ZFHX3: variants seen among roughly 807,000 people sequenced by gnomAD.
ZFHX3 encodes zinc finger homeobox protein 3.
In ZFHX3, 42 loss-of-function variants were observed where a neutral mutation model predicts 279.1. The observed-to-expected ratio is 0.15, with a 90% CI of 0.12 to 0.19. The LOEUF (loss-of-function observed/expected upper bound fraction) is 0.19, where lower values mean the gene tolerates loss of function less well. Ranked by LOEUF, ZFHX3 falls within the 10% of genes least tolerant of loss-of-function variation. ZFHX3 has a pLI of 1.00. For missense variants in ZFHX3, 4,981 were observed against 4,754.0 expected (o/e 1.05, Z -1.40); for synonymous variants, 2,293 against 1,957.8 (o/e 1.17, Z -4.52).
At chr16:73,693,445 C>T (rs944476224) in intron 1 of ZFHX3, among the ~76,000 whole-genome samples, 2 of 152,058 alleles carry the variant, frequency 1.3e-5, no homozygotes, top group Admixed American at 6.6e-5. Flanking sequence ...TCAAGACATT[C>T]AAGACATTTG....
chr16:73,084,802 G>A (rs766205501), intron 8 of ZFHX3, among the ~76,000 whole-genome samples: 33 of 152,250 alleles, frequency 2.2e-4, no homozygotes, highest in Non-Finnish European at 4.4e-4. Context: ...TGACAGGCAT[G>A]AGCCACCGCG....
intron 8 of ZFHX3, among the ~76,000 whole-genome samples, chr16:73,084,350 C>G (rs1367095683): frequency 3.3e-5 from 5 of 151,944 alleles, no homozygotes; most frequent in African/African-American, 1.2e-4. Context: ...GAAACACCAC[C>G]AAAATAACCT....
At chr16:73,136,176 G>C (rs1383655100) in intron 6 of ZFHX3, among the ~76,000 whole-genome samples, 2 of 152,142 alleles carry the variant, frequency 1.3e-5, no homozygotes, top group African/African-American at 4.8e-5. Context: ...GGAGCCACTT[G>C]AGTTTGCCAC....
chr16:72,788,178 T>TGCTGGTAC lies in ZFHX3; in HGVS notation c.10097_10098insGTACCAGC (p.Gln3369HisfsTer119), dbSNP rs763178549. On this transcript the variant is annotated frameshift_variant, in exon 10 of 10. Coordinates refer to ENST00000268489, the MANE Select transcript of ZFHX3 (RefSeq NM_006885.4). LOFTEE classifies it high-confidence loss of function. The stretch of plus-strand genomic sequence containing the variant: ...TTGCCTCCTGCAGACTCTGCTGGTA[T>TGCTGGTAC]TGCTGGTACTGCTGCAGTAGGGAGC... The TGCTGGTAC allele has an allele frequency of 2.5e-6, 4 of 1,611,980 alleles. No individual in the cohort carries two copies. In the South Asian group the frequency reaches 4.4e-5, roughly 18 times the overall value.
Position 73,204,188 on chromosome 16 carries a change from G to A in ZFHX3, c.-1104+52859C>T, listed in dbSNP as rs1056897802. Among the ~76,000 whole-genome samples, 38 of 152,062 alleles carry A rather than the reference G, an allele frequency of 2.5e-4. 1 individual carries two copies. Among genetic ancestry groups the A allele is most frequent in the Admixed American group, 2.4e-3 (36 of 15,266 alleles). Reference sequence around the variant, plus strand: ...GAAAGACAGTTTTTCCACGGACTATGGGTCGGGGGTAGGGGGAATGGTTTG... The same window carrying A: ...GAAAGACAGTTTTTCCACGGACTATAGGTCGGGGGTAGGGGGAATGGTTTG... On this transcript the variant is annotated intron_variant, in intron 5 of 17. Transcript: ENST00000641206.
chr16:73,148,555 CTTTTTTTTTTTTTTT>C (rs36018349), intron 5 of ZFHX3, among the ~76,000 whole-genome samples: 2,722 of 55,558 alleles, frequency 0.049, 136 homozygotes, highest in African/African-American at 0.16. Flanking sequence ...AAATGCTGGG[CTTTTTTTTTTTTTTT>C]TTTTTTTTTT....
At chr16:73,738,245 A>C (rs2053625538) in intron 1 of ZFHX3, among the ~76,000 whole-genome samples, 1 of 152,196 alleles carries the variant, frequency 6.6e-6, no homozygotes, top group Non-Finnish European at 1.5e-5. Context: ...CTGTAAGGAA[A>C]AATAAAACCC....
At chr16:72,905,559 G>A (rs1032510928) in intron 3 of ZFHX3, among the ~76,000 whole-genome samples, 1 of 152,142 alleles carries the variant, frequency 6.6e-6, no homozygotes, top group African/African-American at 2.4e-5. Flanking sequence ...ACAGAAGAAA[G>A]GAAGAGGGAG....
In ZFHX3 at chr16:72,901,154, G is replaced by A. The variant is rs137855469; in HGVS notation, c.3217-11192C>T. ...CGAAAATTTCCCAGGGCTGTCGCTG[G>A]CAGCGTGGCTCTTGATGGGAAAGCA... On this transcript the variant is annotated intron_variant, in intron 3 of 9. Coordinates refer to ENST00000268489, the MANE Select transcript of ZFHX3 (RefSeq NM_006885.4). Among the ~76,000 whole-genome samples the A allele has an allele frequency of 2.4e-3, 363 of 152,264 alleles. 1 individual carries two copies. The highest frequency in any genetic ancestry group is 7.6e-3 in the African/African-American group (316 of 41,552).
chr16:73,841,326 A>T (rs1233970534), intron 1 of ZFHX3, among the ~76,000 whole-genome samples: 1 of 143,022 alleles, frequency 7.0e-6, no homozygotes, highest in Non-Finnish European at 1.5e-5. Context: ...GAAGTACCAG[A>T]TGAGCTGGGG....
chr16:73,396,319 A>G (rs111652329), intron 3 of ZFHX3, among the ~76,000 whole-genome samples: 17 of 152,336 alleles, frequency 1.1e-4, no homozygotes, highest in African/African-American at 4.1e-4. Context: ...ATGTAGGCTC[A>G]AACTGGAGAA....
chr16:73,422,946 C>T (rs1219417081), intron 3 of ZFHX3, among the ~76,000 whole-genome samples: 1 of 152,138 alleles, frequency 6.6e-6, no homozygotes, highest in Non-Finnish European at 1.5e-5. Context: ...AAGGTGTTGG[C>T]AGGGTTGGTT....
chr16:73,608,055 C>G (rs1469747192), intron 2 of ZFHX3, among the ~76,000 whole-genome samples: 1 of 146,738 alleles, frequency 6.8e-6, no homozygotes, highest in East Asian at 2.0e-4. Context: ...GCCTGGGGAA[C>G]AGAACAAGAC....
intron 5 of ZFHX3, among the ~76,000 whole-genome samples, chr16:73,205,458 T>C (rs933180927): frequency 6.6e-6 from 1 of 152,202 alleles, no homozygotes; most frequent in Non-Finnish European, 1.5e-5. Context: ...TGGTAAATTA[T>C]CTGCAAGATT....
intron 5 of ZFHX3, among the ~76,000 whole-genome samples, chr16:73,157,943 T>C (rs1792903363): frequency 1.3e-5 from 2 of 151,440 alleles, no homozygotes; most frequent in Non-Finnish European, 2.9e-5. Flanking sequence ...GGAACTGAGA[T>C]GAGTTGAGGA....
In ZFHX3 at chr16:73,175,470, A is replaced by G. The variant is rs114212188; in HGVS notation, c.-1103-31639T>C. On this transcript the variant is annotated intron_variant, in intron 5 of 17. Transcript: ENST00000641206. ...TTGAGCCATCTCCCCTTCACCTTTT[A>G]TGTTCCAGCCACACTAGCCTCATTT... Among the ~76,000 whole-genome samples the G allele has an allele frequency of 1.8e-3, 277 of 152,216 alleles. 2 individuals are homozygous for G. Among genetic ancestry groups the G allele is most frequent in the African/African-American group, 6.5e-3 (271 of 41,550 alleles).
chr16:73,816,149 G>T (rs572785803), intron 1 of ZFHX3: 1 of 152,234 alleles, frequency 6.6e-6, no homozygotes, highest in Non-Finnish European at 1.5e-5. Context: ...ATATACATAC[G>T]TGCATTGGTG....
chr16:73,197,883 C>T lies in ZFHX3; in HGVS notation c.-1103-54052G>A, dbSNP rs577245695. On this transcript the variant is annotated intron_variant, in intron 5 of 17. Coordinates refer to the ZFHX3 transcript ENST00000641206. ...CAGTGTTCCAAATGTACTTGGGTGTCGGTAAAGAAAAAGAAGATAAGTAGA... is the reference window on the plus strand; with the variant it reads ...CAGTGTTCCAAATGTACTTGGGTGTTGGTAAAGAAAAAGAAGATAAGTAGA... 2.1e-4 allele frequency among the ~76,000 whole-genome samples: 26 copies of T among 126,264 alleles called. No homozygotes were observed. In the South Asian group the frequency reaches 6.3e-3, roughly 30 times the overall value. 82.8% of individuals were successfully genotyped at this position (126,264 alleles called of 152,430 possible). A position where few individuals can be genotyped will look rare whatever the true frequency, so the allele number is the denominator to read the frequency against.
At chr16:73,491,666 A>G (rs2019058524) in intron 2 of ZFHX3, among the ~76,000 whole-genome samples, 1 of 152,158 alleles carries the variant, frequency 6.6e-6, no homozygotes, top group African/African-American at 2.4e-5. Flanking sequence ...AGATAATGAT[A>G]TGGTCTAAAA....
Sources: gnomAD v4.1 joint callset for allele counts (sites outside exome capture counted in the v4.1 genomes callset) on GRCh38, gnomAD v4.1.1 for gene constraint, MANE v1.5 for transcripts, NCBI Gene and HGNC (gene_info 2026-07-23, HGNC 2026-07-21) for gene names.